Variants in NRXN3 observed in about 807,000 individuals in gnomAD.
The protein encoded by NRXN3 is neurexin III.
In NRXN3, 32 loss-of-function variants were observed where a neutral mutation model predicts 137.6. That is an observed-to-expected ratio of 0.23 (90% confidence interval 0.18 to 0.31). The LOEUF (loss-of-function observed/expected upper bound fraction) is 0.31. NRXN3 is among the 10% of genes least tolerant of loss of function. The pLI is 1.00. For missense variants in NRXN3, 1,574 were observed against 2,062.5 expected, an observed-to-expected ratio of 0.76 and a Z score of 4.59; for synonymous variants, 798 against 784.5, an observed-to-expected ratio of 1.02 and a Z score of -0.29.
intron 15 of NRXN3, among the ~76,000 whole-genome samples, chr14:79,118,244 G>T (rs2054806530): frequency 6.6e-6 from 1 of 151,704 alleles, no homozygotes; most frequent in Non-Finnish European, 1.5e-5. Context: ...TAACAAACAA[G>T]GATAGTTTTT....
intron 4 of NRXN3, among the ~76,000 whole-genome samples, chr14:78,366,567 T>C (rs117575964): frequency 0.017 from 2,529 of 152,220 alleles, 45 homozygotes; most frequent in Non-Finnish European, 0.023. Flanking sequence ...GACATATCCA[T>C]AAGACTGGGA....
chr14:78,516,872 A>G (rs1199723262), intron 4 of NRXN3, among the ~76,000 whole-genome samples: 1 of 152,178 alleles, frequency 6.6e-6, no homozygotes, highest in East Asian at 1.9e-4. Flanking sequence ...ATATACAATA[A>G]ACTGAACTGG....
chr14:79,438,270 T>C (rs2095875401), intron 15 of NRXN3, among the ~76,000 whole-genome samples: 1 of 152,182 alleles, frequency 6.6e-6, no homozygotes, highest in Admixed American at 6.5e-5. Context: ...TGCTTATGGG[T>C]TGGACTCAGC....
At chr14:78,665,979 A>G (rs930740957) in intron 6 of NRXN3, among the ~76,000 whole-genome samples, 3 of 152,104 alleles carry the variant, frequency 2.0e-5, no homozygotes, top group African/African-American at 7.2e-5. Flanking sequence ...GTGTCCCTCT[A>G]TCTTTGTAAG....
chr14:79,661,082 A>T (rs2098530982), intron 16 of NRXN3, among the ~76,000 whole-genome samples: 1 of 152,164 alleles, frequency 6.6e-6, no homozygotes, highest in African/African-American at 2.4e-5. Context: ...AATATTAGCT[A>T]TGGGCATGAA....
At chr14:78,354,298 C>T (rs1328650768) in intron 4 of NRXN3, among the ~76,000 whole-genome samples, 1 of 152,168 alleles carries the variant, frequency 6.6e-6, no homozygotes, top group African/African-American at 2.4e-5. Flanking sequence ...CCAAAGCAGC[C>T]ATAGGATCCA....
chr14:78,468,209 G>A (rs1369521597), intron 4 of NRXN3, among the ~76,000 whole-genome samples: 1 of 152,166 alleles, frequency 6.6e-6, no homozygotes, highest in Non-Finnish European at 1.5e-5. Context: ...GGCTATTGCT[G>A]TGTCATAAAG....
chr14:79,075,613 G>C (rs995850990), intron 15 of NRXN3, among the ~76,000 whole-genome samples: 103 of 152,130 alleles, frequency 6.8e-4, no homozygotes, highest in African/African-American at 2.3e-3. Flanking sequence ...ATTTAATTAA[G>C]TCTTCCTTTC....
At chr14:78,364,837 T>C (rs11849041) in intron 4 of NRXN3, among the ~76,000 whole-genome samples, 150,745 of 152,346 alleles carry the variant, frequency 0.99, 74,596 homozygotes, top group East Asian at 1. Context: ...GCCGAGCTGT[T>C]ACTTCTCCTG....
chr14:78,928,762 A>T (rs2099313386), intron 10 of NRXN3, among the ~76,000 whole-genome samples: 1 of 152,138 alleles, frequency 6.6e-6, no homozygotes, highest in African/African-American at 2.4e-5. Flanking sequence ...CAATAAACAT[A>T]CGTGTGCATG....
intron 15 of NRXN3, among the ~76,000 whole-genome samples, chr14:79,188,363 G>A (rs1368874301): frequency 6.6e-6 from 1 of 150,800 alleles, no homozygotes; most frequent in African/African-American, 2.4e-5. Context: ...GAAAATTTGT[G>A]TTGCTGCTAG....
intron 15 of NRXN3, among the ~76,000 whole-genome samples, chr14:79,363,500 G>A (rs1184083170): frequency 6.6e-6 from 1 of 151,714 alleles, no homozygotes; most frequent in Non-Finnish European, 1.5e-5. Flanking sequence ...AAACAGCCAT[G>A]TACGTAGGAA....
At chr14:79,157,034 C>A (rs192763089) in intron 15 of NRXN3, among the ~76,000 whole-genome samples, 1 of 151,786 alleles carries the variant, frequency 6.6e-6, no homozygotes, top group Admixed American at 6.6e-5. Flanking sequence ...TAGAGATTAC[C>A]TCAACTTGTG....
intron 6 of NRXN3, among the ~76,000 whole-genome samples, chr14:78,665,844 T>C (rs2097881095): frequency 6.6e-6 from 1 of 152,190 alleles, no homozygotes; most frequent in Admixed American, 6.5e-5. Flanking sequence ...GATATGTTGC[T>C]TTTCTGAAAA....
intron 16 of NRXN3, among the ~76,000 whole-genome samples, chr14:79,648,950 A>G (rs1603339667): frequency 6.6e-6 from 1 of 152,154 alleles, no homozygotes; most frequent in East Asian, 1.9e-4. Context: ...TTGCCTGCAG[A>G]AAGTTTTTTG....
At chr14:79,344,427 G>A (rs2092766480) in intron 15 of NRXN3, among the ~76,000 whole-genome samples, 1 of 152,154 alleles carries the variant, frequency 6.6e-6, no homozygotes, top group Non-Finnish European at 1.5e-5. Context: ...ATTTGAGTCT[G>A]TTGTCACATA....
chr14:79,132,465 AAGT>A (rs2057674123), intron 15 of NRXN3, among the ~76,000 whole-genome samples: 1 of 152,192 alleles, frequency 6.6e-6, no homozygotes, highest in Non-Finnish European at 1.5e-5. Flanking sequence ...TCACATTTTG[AAGT>A]AATATTTTGA....
chr14:79,755,048 C>A (rs1434021240), intron 19 of NRXN3, among the ~76,000 whole-genome samples: 1 of 152,098 alleles, frequency 6.6e-6, no homozygotes. Context: ...TCAGGTATAT[C>A]TTTATAGAAG....
At chr14:79,235,768 G>A (rs2073247723) in intron 15 of NRXN3, among the ~76,000 whole-genome samples, 2 of 152,078 alleles carry the variant, frequency 1.3e-5, no homozygotes, top group African/African-American at 4.8e-5. Context: ...AGATAATCAT[G>A]AAGCAAAATG....
Sources: allele counts gnomAD v4.1 joint callset (sites outside exome capture counted in the v4.1 genomes callset), GRCh38; gene constraint gnomAD v4.1.1; transcripts MANE v1.5; gene names NCBI Gene and HGNC (gene_info 2026-07-23, HGNC 2026-07-21).